The following TSFM variants were observed in gnomAD, a reference collection of about 807,000 sequenced individuals.
The protein encoded by TSFM is elongation factor Ts, mitochondrial.
Under a neutral mutation model 33.4 loss-of-function variants are expected in TSFM, and 29 were observed. The ratio of observed to expected loss-of-function variants is 0.87; its 90% CI spans 0.65 to 1.18. TSFM has a LOEUF of 1.18. Ranked by LOEUF, TSFM falls within the 50% of genes most tolerant of loss-of-function variation. The pLI, the probability that TSFM is intolerant of heterozygous loss-of-function variation, is 0.00. For missense variants in TSFM, 394 were observed against 395.6 expected, an observed-to-expected ratio of 1.00 and a Z score of 0.04; for synonymous variants, 178 against 163.5, an observed-to-expected ratio of 1.09 and a Z score of -0.68.
rs1015185037 is a variant in TSFM at position 57,788,956 on chromosome 12, A to T, written c.483+1794A>T. Among the ~76,000 whole-genome samples the T allele has an allele frequency of 1.5e-3, 221 of 143,724 alleles. 1 individual carries two copies. The highest frequency in any genetic ancestry group is 5.4e-3 in the African/African-American group (209 of 38,846). 94.3% of individuals were successfully genotyped at this position (143,724 alleles called of 152,430 possible). Reference sequence around the variant, plus strand: ...CCCTATCACTTTTTATATACATGTTATCATCGCCCTTTTTTTTTTTTTTTT... The same window carrying T: ...CCCTATCACTTTTTATATACATGTTTTCATCGCCCTTTTTTTTTTTTTTTT... On this transcript the variant is annotated intron_variant, in intron 4 of 5. Transcript: ENST00000652027.
chr12:57,798,038 C>A, downstream of TSFM: 1 of 1,449,676 alleles, frequency 6.9e-7, no homozygotes. Context: ...GAAGACATGA[C>A]ATCATTGCCA....
chr12:57,792,597 CT>C (rs879935902), intron 4 of TSFM, among the ~76,000 whole-genome samples: 255 of 144,780 alleles, frequency 1.8e-3, no homozygotes, highest in Admixed American at 2.3e-3. Flanking sequence ...TTCTTTCTTT[CT>C]TTTTTTTTTT....
chr12:57,797,791 G>A, downstream of TSFM: 1 of 1,045,318 alleles, frequency 9.6e-7, no homozygotes, highest in Non-Finnish European at 1.3e-6. Context: ...GTAGCTGAAT[G>A]TCAGGCAGAA....
At chr12:57,791,468 G>GA (rs2140422742) in intron 4 of TSFM, among the ~76,000 whole-genome samples, 1 of 152,250 alleles carries the variant, frequency 6.6e-6, no homozygotes, top group Non-Finnish European at 1.5e-5. Flanking sequence ...AGTGTCATTG[G>GA]ATTGTGGTTA....
downstream of TSFM, chr12:57,799,693 C>A: frequency 6.6e-7 from 1 of 1,509,448 alleles, no homozygotes. Flanking sequence ...GTCCATTGAG[C>A]GGCTACAATG....
At chr12:57,786,072 G>A in intron 2 of TSFM, 91 bp from the exon 3 acceptor site, 1 of 1,387,368 alleles carries the variant, frequency 7.2e-7, no homozygotes, top group Non-Finnish European at 9.5e-7. Flanking sequence ...AGAGAATTTA[G>A]AGAATCAGGA....
chr12:57,786,367 C>T, intron 3 of TSFM, 76 bp downstream of exon 3: 1 of 1,479,162 alleles, frequency 6.8e-7, no homozygotes, highest in Non-Finnish European at 9.0e-7. Flanking sequence ...CCTAAAGGGG[C>T]CTGTTCTTGA....
intron 3 of TSFM, 50 bp from the exon 4 acceptor site, chr12:57,786,990 G>A (rs1264212279): frequency 3.2e-6 from 5 of 1,566,246 alleles, no homozygotes; most frequent in Non-Finnish European, 4.3e-6. Context: ...AGGCACTTTT[G>A]GAAATTATCA....
chr12:57,785,369 C>T (rs181423530), intron 2 of TSFM, among the ~76,000 whole-genome samples: 29 of 152,332 alleles, frequency 1.9e-4, no homozygotes, highest in African/African-American at 6.3e-4. Flanking sequence ...TCTTCAGGGG[C>T]AGTAACGGGC....
chr12:57,789,801 T>A (rs1210389931), intron 4 of TSFM, among the ~76,000 whole-genome samples: 1 of 152,252 alleles, frequency 6.6e-6, no homozygotes, highest in Non-Finnish European at 1.5e-5. Flanking sequence ...AACTCATTAT[T>A]CGTTTTGATG....
In TSFM at chr12:57,793,073, G is replaced by T; in HGVS notation, c.571G>T (p.Gly191Ter). The T allele has an allele frequency of 6.2e-7, 1 of 1,612,594 alleles. No individual in the cohort carries two copies. Among genetic ancestry groups the T allele is most frequent in the Non-Finnish European group, 8.5e-7 (1 of 1,179,050 alleles). Residue 191 changes from glycine (G) to a stop codon, truncating the protein, a stop_gained and splice_region_variant, in exon 5 of 6, where the codon GGA becomes TGA. Transcript: ENST00000652027. LOFTEE classifies it high-confidence loss of function. ...SLKDQLALAI[G>*]KLGENMILKR... Reference sequence around the variant, plus strand: ...CAAGGATCAGTTGGCTTTAGCAATTGGTGAGTATTTGTAAAGGTTCTGGAA... The same window carrying T: ...CAAGGATCAGTTGGCTTTAGCAATTTGTGAGTATTTGTAAAGGTTCTGGAA...
chr12:57,794,512 G>A (rs1333520202), intron 5 of TSFM, among the ~76,000 whole-genome samples: 1 of 152,184 alleles, frequency 6.6e-6, no homozygotes, highest in Non-Finnish European at 1.5e-5. Flanking sequence ...GAAACTATCC[G>A]ATGACATGGT....
In TSFM at chr12:57,797,206, T is replaced by G; in HGVS notation, c.*623T>G. The G allele has an allele frequency of 2.0e-6, 2 of 985,456 alleles. No individual in the cohort carries two copies. Among genetic ancestry groups the G allele is most frequent in the Non-Finnish European group, 2.4e-6 (2 of 829,932 alleles). 61.0% of individuals were successfully genotyped at this position (985,456 alleles called of 1,614,324 possible). The stretch of plus-strand genomic sequence containing the variant: ...TGGGTACTGAGGTTTCCTGGCCAGC[T>G]GTAAGGCAGATTTTGACATTCTTGT... On this transcript the variant is annotated 3_prime_UTR_variant, in exon 6 of 6. Transcript: ENST00000652027.
downstream of TSFM, among the ~76,000 whole-genome samples, chr12:57,799,182 CATG>C (rs1345131188): frequency 6.6e-6 from 1 of 152,124 alleles, no homozygotes; most frequent in African/African-American, 2.4e-5. Context: ...CTGAGACCTA[CATG>C]ATGAGAAGGT....
intron 2 of TSFM, chr12:57,783,846 C>G: frequency 1.5e-6 from 1 of 658,892 alleles, no homozygotes. Flanking sequence ...GAACTCCTGG[C>G]CTCAGGTGAT....
At chr12:57,782,936 A>T in intron 1 of TSFM, 78 bp downstream of exon 1, 1 of 1,497,838 alleles carries the variant, frequency 6.7e-7, no homozygotes, top group Non-Finnish European at 9.0e-7. Flanking sequence ...CTTCCTCCCA[A>T]CCTCGTTTGA....
At position 57,796,884 on chromosome 12, in the gene TSFM, G is replaced by A; in HGVS notation, c.*301G>A. 1 of 1,040,276 alleles carries A rather than the reference G, an allele frequency of 9.6e-7. No individual in the cohort carries two copies. The highest frequency in any genetic ancestry group is 1.7e-5 in the African/African-American group (1 of 59,470). The allele number at this position is 1,040,276 out of a possible 1,614,324, so 64.4% of individuals were successfully genotyped here. A position where few individuals can be genotyped will look rare whatever the true frequency, so the allele number is the denominator to read the frequency against. ...TATTTCTGAAATTTCTAACTTATAT[G>A]TTCTGTCTTACACCTTTTATGACAT... On this transcript the variant is annotated 3_prime_UTR_variant, in exon 6 of 6. Transcript: ENST00000652027.
At chr12:57,801,084 G>T, downstream of TSFM, 1 of 1,406,536 alleles carries the variant, frequency 7.1e-7, no homozygotes, top group Non-Finnish European at 1.0e-6. Context: ...TAGCATTTGT[G>T]TGTTCTCTGG....
In TSFM at chr12:57,793,224, A is replaced by T. The variant is rs541130354; in HGVS notation, c.571+151A>T. 4.6e-4 allele frequency among the ~76,000 whole-genome samples: 70 copies of T among 152,082 alleles called. 1 individual carries two copies. In the East Asian group the frequency reaches 0.013, roughly 28 times the overall value. ...GTGTGTGTGTTAGATGTTAGGGAAC[A>T]TTAGGCATCTTTTTTTTTTCCGAGA... is the stretch of plus-strand genomic sequence containing the variant. On this transcript the variant is annotated intron_variant, in intron 5 of 5. Transcript: ENST00000652027.
Sources: allele counts gnomAD v4.1 joint callset (sites outside exome capture counted in the v4.1 genomes callset), GRCh38; gene constraint gnomAD v4.1.1; transcripts MANE v1.5; gene names NCBI Gene and HGNC (gene_info 2026-07-23, HGNC 2026-07-21).